PLCB4: variants seen among roughly 807,000 people sequenced by gnomAD.
The protein encoded by PLCB4 is phospholipase C beta 4, also known as 1-phosphatidylinositol 4,5-bisphosphate phosphodiesterase beta-4.
In PLCB4, 77 loss-of-function variants were observed where a neutral mutation model predicts 178.8. That is an observed-to-expected ratio of 0.43 (90% confidence interval 0.36 to 0.52). The LOEUF (loss-of-function observed/expected upper bound fraction) is 0.52. Among genes scored for constraint, PLCB4 ranks in the 20% least tolerant of loss-of-function variants. PLCB4 has a pLI of 0.00. For synonymous variants in PLCB4, 496 were observed against 490.8 expected, an observed-to-expected ratio of 1.01 and a Z score of -0.14; for missense variants, 1,024 against 1,453.4, an observed-to-expected ratio of 0.70 and a Z score of 4.80.
chr20:9,214,257 G>A (rs374335941), intron 2 of PLCB4, among the ~76,000 whole-genome samples: 5 of 152,046 alleles, frequency 3.3e-5, no homozygotes, highest in African/African-American at 1.2e-4. Flanking sequence ...GAATTTTATA[G>A]TTTTACTTCT....
chr20:9,380,156 A>G lies in PLCB4; in HGVS notation c.847A>G (p.Lys283Glu). 2 of 1,456,262 alleles carry G rather than the reference A, an allele frequency of 1.4e-6. No individual in the cohort carries two copies. The highest frequency in any genetic ancestry group is 1.3e-5 in the South Asian group (1 of 77,688). The allele number at this position is 1,456,262 out of a possible 1,614,324, so 90.2% of individuals were successfully genotyped here. A position where few individuals can be genotyped will look rare whatever the true frequency, so the allele number is the denominator to read the frequency against. ...EMYEPDEDLK[K>E]KGLISSDGFC... ...GTATGAACCTGATGAAGATTTGAAG[A>G]AAAAAGGTAATAAACATGAAAAAAG... Residue 283 changes from lysine (K) to glutamate (E), a missense_variant, in exon 13 of 40, where the codon AAA (lysine) becomes GAA (glutamate). Physicochemically the swap from Lys to Glu is moderately conservative, Grantham distance 56 (BLOSUM62 1). Transcript: ENST00000378473.
intron 2 of PLCB4, among the ~76,000 whole-genome samples, chr20:9,153,489 T>G (rs1190341850): frequency 6.6e-6 from 1 of 152,194 alleles, no homozygotes; most frequent in Non-Finnish European, 1.5e-5. Flanking sequence ...CATTTTCTCT[T>G]GCTGCTGCCA....
chr20:9,151,890 T>C (rs1227692377), intron 2 of PLCB4, among the ~76,000 whole-genome samples: 1 of 152,148 alleles, frequency 6.6e-6, no homozygotes, highest in Non-Finnish European at 1.5e-5. Flanking sequence ...AAAATGCTGA[T>C]AGTGATATAG....
intron 4 of PLCB4, among the ~76,000 whole-genome samples, chr20:9,324,644 C>T (rs139898159): frequency 5.6e-4 from 85 of 152,038 alleles, no homozygotes; most frequent in Admixed American, 1.3e-3. Flanking sequence ...TTCCTGAGGC[C>T]GACTCTGAGC....
intron 2 of PLCB4, among the ~76,000 whole-genome samples, chr20:9,212,503 C>T (rs1381235813): frequency 1.3e-5 from 2 of 152,168 alleles, no homozygotes; most frequent in Admixed American, 6.5e-5. Flanking sequence ...GTTTCTTCCT[C>T]CTCTGAGAAA....
chr20:9,219,803 CTG>C (rs1337325854), intron 3 of PLCB4, among the ~76,000 whole-genome samples: 1 of 152,166 alleles, frequency 6.6e-6, no homozygotes, highest in Non-Finnish European at 1.5e-5. Flanking sequence ...CATCTAAACT[CTG>C]GAACCTGAGC....
intron 1 of PLCB4, among the ~76,000 whole-genome samples, chr20:9,074,461 A>G (rs1281309675): frequency 6.6e-6 from 1 of 152,192 alleles, no homozygotes; most frequent in Non-Finnish European, 1.5e-5. Context: ...TAATGGTACT[A>G]CTAGTATTAT....
chr20:9,197,063 T>C (rs1304579237), intron 2 of PLCB4, among the ~76,000 whole-genome samples: 1 of 152,210 alleles, frequency 6.6e-6, no homozygotes, highest in East Asian at 1.9e-4. Flanking sequence ...ACAGAGCTCT[T>C]GGCACATTAA....
At chr20:9,244,132 G>A (rs1569008049) in intron 3 of PLCB4, among the ~76,000 whole-genome samples, 1 of 152,062 alleles carries the variant, frequency 6.6e-6, no homozygotes, top group Non-Finnish European at 1.5e-5. Context: ...AGCTTAGAGT[G>A]ATGTTATTCT....
chr20:9,070,708 G>A lies in PLCB4; in HGVS notation c.-135+1502G>A, dbSNP rs1600205382. On this transcript the variant is annotated intron_variant, in intron 1 of 39. Coordinates refer to ENST00000378473, the MANE Select transcript of PLCB4 (RefSeq NM_001377142.1). The stretch of plus-strand genomic sequence containing the variant: ...TGGCACTTTTATGAACGTAAGACTT[G>A]CTGCCAGACGAGTAACCTTTTGAAT... Among the ~76,000 whole-genome samples, 8 of 152,274 alleles carry A rather than the reference G, an allele frequency of 5.3e-5. 1 individual carries two copies.
intron 2 of PLCB4, among the ~76,000 whole-genome samples, chr20:9,134,674 C>G (rs1398044408): frequency 6.6e-6 from 1 of 152,086 alleles, no homozygotes; most frequent in Non-Finnish European, 1.5e-5. Flanking sequence ...AGGAGCATCC[C>G]CCATGATCCC....
chr20:9,423,075 T>C (rs940511519), intron 27 of PLCB4, among the ~76,000 whole-genome samples: 1 of 152,248 alleles, frequency 6.6e-6, no homozygotes. Flanking sequence ...TCAGATTTTA[T>C]GTTCATTTAT....
chr20:9,357,616 T>C (rs2034953426), intron 7 of PLCB4, among the ~76,000 whole-genome samples: 1 of 152,168 alleles, frequency 6.6e-6, no homozygotes, highest in African/African-American at 2.4e-5. Flanking sequence ...GTCATGAGTG[T>C]GGAGCCCTCA....
rs76937601 is a variant in PLCB4, at chr20:9,405,262, G to A, written c.1612-51G>A. The A allele has an allele frequency of 1.8e-3, 1,760 of 964,176 alleles. 21 individuals carry two copies. The African/African-American group carries it at 0.019, about 11-fold the overall frequency. The allele number at this position is 964,176 out of a possible 1,614,324, so 59.7% of individuals were successfully genotyped here. ...CTATGTATGTATGGCTAATAAATTT[G>A]GAATTTTGCCCTTTAGAGAAGTAAA... is the stretch of plus-strand genomic sequence containing the variant. On this transcript the variant is annotated intron_variant, in intron 20 of 39. Coordinates refer to ENST00000378473, the MANE Select transcript of PLCB4 (RefSeq NM_001377142.1).
At chr20:9,127,568 G>T (rs2092148791) in intron 2 of PLCB4, among the ~76,000 whole-genome samples, 1 of 151,886 alleles carries the variant, frequency 6.6e-6, no homozygotes, top group Non-Finnish European at 1.5e-5. Context: ...CTTTGAGTGG[G>T]TTGTTAGACA....
intron 14 of PLCB4, among the ~76,000 whole-genome samples, chr20:9,386,944 G>A (rs966347040): frequency 1.1e-4 from 16 of 149,842 alleles, no homozygotes; most frequent in Admixed American, 6.0e-4. Context: ...CCAGGCTGGA[G>A]TGCAGTGGCA....
At chr20:9,077,780 G>T (rs540114987) in intron 1 of PLCB4, among the ~76,000 whole-genome samples, 1 of 152,286 alleles carries the variant, frequency 6.6e-6, no homozygotes, top group Admixed American at 6.5e-5. Context: ...CAGATCAGAC[G>T]TTGATACTGG....
At chr20:9,221,263 C>G (rs1390914103) in intron 3 of PLCB4, among the ~76,000 whole-genome samples, 2 of 152,164 alleles carry the variant, frequency 1.3e-5, no homozygotes, top group Non-Finnish European at 1.5e-5. Flanking sequence ...GGCAATGGAG[C>G]TGGGCTTTTC....
intron 3 of PLCB4, among the ~76,000 whole-genome samples, chr20:9,292,479 C>G (rs1366239200): frequency 1.3e-5 from 2 of 152,132 alleles, no homozygotes; most frequent in African/African-American, 4.8e-5. Flanking sequence ...TGTCCAGGAT[C>G]AAGCCCCACC....
Sources: allele counts gnomAD v4.1 joint callset (sites outside exome capture counted in the v4.1 genomes callset), GRCh38; gene constraint gnomAD v4.1.1; transcripts MANE v1.5; gene names NCBI Gene and HGNC (gene_info 2026-07-23, HGNC 2026-07-21).